ZSWIM5: variants seen among roughly 807,000 people sequenced by gnomAD.
The protein encoded by ZSWIM5 is zinc finger SWIM-type containing 5, also known as zinc finger SWIM domain-containing protein 5.
In ZSWIM5, 55 loss-of-function variants were observed where a neutral mutation model predicts 119.6. The observed-to-expected ratio is 0.46, with a 90% CI of 0.37 to 0.58. The LOEUF (loss-of-function observed/expected upper bound fraction) is 0.58, where lower values mean the gene tolerates loss of function less well. Among genes scored for constraint, ZSWIM5 ranks in the 20% least tolerant of loss-of-function variants. The pLI is 0.00. For missense variants in ZSWIM5, 1,193 were observed against 1,512.8 expected (o/e 0.79, Z 3.51); for synonymous variants, 537 against 606.9 (o/e 0.88, Z 1.69).
At chr1:45,181,581 C>T (rs574607339) in intron 1 of ZSWIM5, among the ~76,000 whole-genome samples, 39 of 152,018 alleles carry the variant, frequency 2.6e-4, no homozygotes, top group Non-Finnish European at 3.7e-4. Flanking sequence ...ATACAGAGAA[C>T]GCCACAAAGA....
intron 2 of ZSWIM5, among the ~76,000 whole-genome samples, chr1:45,082,753 G>A (rs1251243288): frequency 6.6e-6 from 1 of 152,186 alleles, no homozygotes; most frequent in African/African-American, 2.4e-5. Context: ...GTTGATTGTG[G>A]CAGCCTAATT....
chr1:45,139,097 G>A (rs1436912515), intron 1 of ZSWIM5, among the ~76,000 whole-genome samples: 1 of 151,692 alleles, frequency 6.6e-6, no homozygotes, highest in Non-Finnish European at 1.5e-5. Flanking sequence ...GGCCAGGCTG[G>A]TCTCAAAATC....
Position 45,130,602 on chromosome 1 carries a change from T to A in ZSWIM5, c.596-42365A>T, listed in dbSNP as rs562134079. Among the ~76,000 whole-genome samples, 122 of 152,152 alleles carry A rather than the reference T, an allele frequency of 8.0e-4. 4 individuals carry two copies. In the South Asian group the frequency reaches 0.025, roughly 31 times the overall value. Reference sequence around the variant, plus strand: ...AAATAGCAACACCACCAAACACTGATGAGAATGCAGAAAAACCGAATCACT... The same window carrying A: ...AAATAGCAACACCACCAAACACTGAAGAGAATGCAGAAAAACCGAATCACT... On this transcript the variant is annotated intron_variant, in intron 1 of 13. Coordinates refer to ENST00000359600, the MANE Select transcript of ZSWIM5 (RefSeq NM_020883.2).
chr1:45,034,189 C>G (rs1644969091), intron 11 of ZSWIM5, 123 bp downstream of exon 11: 2 of 1,199,244 alleles, frequency 1.7e-6, no homozygotes, highest in Non-Finnish European at 2.3e-6. Context: ...AAGTGAGGAC[C>G]ACTATCACTC....
chr1:45,150,249 A>T (rs1413984018), intron 1 of ZSWIM5, among the ~76,000 whole-genome samples: 1 of 152,116 alleles, frequency 6.6e-6, no homozygotes, highest in Non-Finnish European at 1.5e-5. Context: ...TTGAAAACAT[A>T]GTTACATCAA....
Position 45,072,967 on chromosome 1 carries a change from T to C in ZSWIM5, c.953-12720A>G, listed in dbSNP as rs1435624389. ...GTGTTTTCTATTTCTGTGAAGAATG[T>C]CATTGGTATTTTGATAGGGATTACA... On this transcript the variant is annotated intron_variant, in intron 2 of 13. Coordinates refer to ENST00000359600, the MANE Select transcript of ZSWIM5 (RefSeq NM_020883.2). The surrounding 1 kb of genome is among the most constrained non-coding windows in gnomAD (Gnocchi z 4.1). 6.6e-6 allele frequency among the ~76,000 whole-genome samples: 1 copy of C among 152,036 alleles called. No homozygotes were observed. Among genetic ancestry groups the C allele is most frequent in the Non-Finnish European group, 1.5e-5 (1 of 68,030 alleles).
At chr1:45,062,714 C>T (rs1486440400) in intron 2 of ZSWIM5, among the ~76,000 whole-genome samples, 1 of 152,036 alleles carries the variant, frequency 6.6e-6, no homozygotes, top group East Asian at 1.9e-4. Context: ...GCTATATTGC[C>T]CAGGCTGGTC....
At chr1:45,145,676 T>C (rs1418429234) in intron 1 of ZSWIM5, among the ~76,000 whole-genome samples, 3 of 151,982 alleles carry the variant, frequency 2.0e-5, no homozygotes, top group Admixed American at 6.6e-5. Flanking sequence ...GTAACTACAA[T>C]GGGAGGGAGT....
intron 1 of ZSWIM5, among the ~76,000 whole-genome samples, chr1:45,094,997 T>C (rs141831862): frequency 2.6e-5 from 4 of 152,300 alleles, no homozygotes; most frequent in African/African-American, 9.6e-5. Context: ...ACCTCCTCCA[T>C]AGATTACTTT....
chr1:45,152,202 C>T (rs1238770260), intron 1 of ZSWIM5, among the ~76,000 whole-genome samples: 1 of 151,910 alleles, frequency 6.6e-6, no homozygotes, highest in Non-Finnish European at 1.5e-5. Flanking sequence ...TTCAGCAGGG[C>T]AGTGATATAA....
intron 1 of ZSWIM5, among the ~76,000 whole-genome samples, chr1:45,133,892 G>C (rs1396998726): frequency 5.5e-4 from 83 of 151,818 alleles, no homozygotes; most frequent in Admixed American, 7.9e-4. Flanking sequence ...GCTTGTTTTT[G>C]TCAGGTTTGT....
chr1:45,140,423 T>C (rs1645719733), intron 1 of ZSWIM5, among the ~76,000 whole-genome samples: 1 of 151,824 alleles, frequency 6.6e-6, no homozygotes, highest in South Asian at 2.1e-4. Flanking sequence ...CTCTCAAATA[T>C]GCACAAAAAG....
intron 1 of ZSWIM5, among the ~76,000 whole-genome samples, chr1:45,143,837 ATTTC>A (rs781514215): frequency 6.6e-6 from 1 of 152,090 alleles, no homozygotes; most frequent in Non-Finnish European, 1.5e-5. Flanking sequence ...AACCAAACAT[ATTTC>A]TTTATGCTAG....
At chr1:45,202,718 G>A (rs1198685583) in intron 1 of ZSWIM5, among the ~76,000 whole-genome samples, 1 of 152,020 alleles carries the variant, frequency 6.6e-6, no homozygotes, top group South Asian at 2.1e-4. Flanking sequence ...GTGTTTAAGT[G>A]AGAAAAACTG....
chr1:45,202,810 C>A (rs891871230), intron 1 of ZSWIM5, among the ~76,000 whole-genome samples: 1 of 151,866 alleles, frequency 6.6e-6, no homozygotes, highest in African/African-American at 2.4e-5. Context: ...ACAAAGAAAT[C>A]AATTTAAAAT....
intron 2 of ZSWIM5, among the ~76,000 whole-genome samples, chr1:45,086,302 C>T (rs1007018359): frequency 6.6e-6 from 1 of 152,114 alleles, no homozygotes; most frequent in Admixed American, 6.5e-5. Context: ...TGGGAGATTA[C>T]AACTGGATAT....
intron 1 of ZSWIM5, among the ~76,000 whole-genome samples, chr1:45,144,325 C>T (rs1438204055): frequency 2.0e-5 from 3 of 150,520 alleles, no homozygotes; most frequent in South Asian, 2.1e-4. Context: ...GCCAGGAGTT[C>T]GAGACCAGCA....
intron 1 of ZSWIM5, among the ~76,000 whole-genome samples, chr1:45,178,435 A>G (rs1014883937): frequency 6.6e-5 from 10 of 152,162 alleles, no homozygotes; most frequent in African/African-American, 2.4e-4. Flanking sequence ...GAAACAAAAC[A>G]AAACAAAAAT....
At chr1:45,060,037 G>A (rs1645143966) in intron 3 of ZSWIM5, 62 bp downstream of exon 3, 1 of 1,582,962 alleles carries the variant, frequency 6.3e-7, no homozygotes, top group African/African-American at 1.3e-5. Context: ...AGTGTGGTGT[G>A]CCCAGTCTGA....
Sources: gnomAD v4.1 joint callset for allele counts (sites outside exome capture counted in the v4.1 genomes callset) on GRCh38, gnomAD v4.1.1 for gene constraint, Gnocchi (gnomAD v3.1) non-coding constraint, MANE v1.5 for transcripts, NCBI Gene and HGNC (gene_info 2026-07-23, HGNC 2026-07-21) for gene names.